Variants in MEGF11 observed in about 807,000 individuals in gnomAD.
MEGF11 encodes multiple EGF like domains 11, also known as multiple epidermal growth factor-like domains protein 11.
MEGF11 carries 126 observed loss-of-function variants against 146.6 expected under a neutral mutation model. The ratio of observed to expected loss-of-function variants is 0.86; its 90% CI spans 0.74 to 1.00. The LOEUF is 1.00. MEGF11 is among the 50% of genes least tolerant of loss of function. The probability of loss-of-function intolerance (pLI) is 0.00; values close to 1 mark genes in which losing one functional copy is unlikely to be tolerated. For missense variants in MEGF11, 1,509 were observed against 1,521.2 expected (o/e 0.99, Z 0.13); for synonymous variants, 532 against 583.4 (o/e 0.91, Z 1.27).
At chr15:66,048,608 T>C (rs1031822074) in intron 5 of MEGF11, among the ~76,000 whole-genome samples, 6 of 152,220 alleles carry the variant, frequency 3.9e-5, no homozygotes, top group Non-Finnish European at 8.8e-5. Flanking sequence ...TCTTGTGGGC[T>C]GGTCTGCAGA....
intron 9 of MEGF11, among the ~76,000 whole-genome samples, chr15:65,964,140 G>T (rs181767375): frequency 1.5e-3 from 223 of 152,306 alleles, no homozygotes; most frequent in Middle Eastern, 3.4e-3. Context: ...TGTTACCTGG[G>T]GCAGTGCCAG....
intron 10 of MEGF11, among the ~76,000 whole-genome samples, chr15:65,956,097 C>T (rs183170651): frequency 6.6e-6 from 1 of 152,234 alleles, no homozygotes; most frequent in Non-Finnish European, 1.5e-5. Flanking sequence ...ACACTGGCCT[C>T]AGCCAGACCA....
chr15:66,184,885 C>A (rs1363292063), intron 1 of MEGF11, among the ~76,000 whole-genome samples: 2 of 152,100 alleles, frequency 1.3e-5, no homozygotes, highest in African/African-American at 4.8e-5. Flanking sequence ...TCCCAGTTCA[C>A]CCAAACCAAG....
At chr15:65,967,350 G>A (rs531712414) in intron 8 of MEGF11, among the ~76,000 whole-genome samples, 21 of 152,140 alleles carry the variant, frequency 1.4e-4, no homozygotes, top group South Asian at 4.1e-4. Context: ...ATAGTAGAGT[G>A]GATTTAAGGA....
At chr15:65,999,994 A>G (rs1012880781) in intron 5 of MEGF11, among the ~76,000 whole-genome samples, 5 of 152,166 alleles carry the variant, frequency 3.3e-5, no homozygotes, top group Non-Finnish European at 7.3e-5. Context: ...GGGAAGGGAG[A>G]TGAAGTACAA....
chr15:66,020,788 C>T (rs2083084443), intron 5 of MEGF11, among the ~76,000 whole-genome samples: 1 of 151,948 alleles, frequency 6.6e-6, no homozygotes, highest in Admixed American at 6.6e-5. Flanking sequence ...GTCAGGAGAG[C>T]GAGACCATCT....
intron 13 of MEGF11, among the ~76,000 whole-genome samples, chr15:65,925,487 T>C (rs928263490): frequency 1.3e-5 from 2 of 152,182 alleles, no homozygotes; most frequent in African/African-American, 4.8e-5. Flanking sequence ...GATTTCCCCA[T>C]ATGGAGTGCC....
At chr15:66,199,745 C>T (rs1400245421) in intron 1 of MEGF11, among the ~76,000 whole-genome samples, 1 of 152,094 alleles carries the variant, frequency 6.6e-6, no homozygotes, top group African/African-American at 2.4e-5. Context: ...GCCATGATTG[C>T]ACCACTGCAC....
intron 10 of MEGF11, among the ~76,000 whole-genome samples, chr15:65,936,417 A>G (rs2079790687): frequency 6.6e-6 from 1 of 152,202 alleles, no homozygotes; most frequent in African/African-American, 2.4e-5. Flanking sequence ...TTTAATTGAA[A>G]TGAGATGTTT....
chr15:65,947,278 G>T (rs2080229101), intron 10 of MEGF11, among the ~76,000 whole-genome samples: 1 of 152,148 alleles, frequency 6.6e-6, no homozygotes, highest in African/African-American at 2.4e-5. Flanking sequence ...TGGGCTAGGG[G>T]GCTGGGGAGC....
chr15:66,200,281 T>C (rs8027991), intron 1 of MEGF11, among the ~76,000 whole-genome samples: 67,134 of 152,118 alleles, frequency 0.44, 15,166 homozygotes, highest in East Asian at 0.59. Context: ...TTGTAGTTTT[T>C]TGTAAAGAAC....
chr15:66,155,354 G>A (rs1345361301), intron 1 of MEGF11, among the ~76,000 whole-genome samples: 2 of 152,196 alleles, frequency 1.3e-5, no homozygotes, highest in Non-Finnish European at 2.9e-5. Context: ...GGAGAGTGGG[G>A]CAGGAAAGAG....
At chr15:66,206,429 A>G (rs1335498230) in intron 1 of MEGF11, among the ~76,000 whole-genome samples, 2 of 152,242 alleles carry the variant, frequency 1.3e-5, no homozygotes, top group Admixed American at 6.5e-5. Flanking sequence ...ACTCACCTAC[A>G]GATTCAGAAG....
rs79277941 is a variant in MEGF11 at position 65,899,595 on chromosome 15, T to G, written c.3056-661A>C. Among the ~76,000 whole-genome samples, 1,425 of 152,332 alleles carry G rather than the reference T, an allele frequency of 9.4e-3. 21 individuals are homozygous for G. Among genetic ancestry groups the G allele is most frequent in the South Asian group, 0.057 (275 of 4,828 alleles). On this transcript the variant is annotated intron_variant, in intron 24 of 25. Transcript: ENST00000395614. ...CAGATGTCAGCAATTTGACAGCCTA[T>G]AAGTGGCAGACTCTTAGCAGTATCC...
At chr15:66,020,088 G>A (rs555831210) in intron 5 of MEGF11, among the ~76,000 whole-genome samples, 1 of 152,308 alleles carries the variant, frequency 6.6e-6, no homozygotes, top group South Asian at 2.1e-4. Flanking sequence ...GGTCCTGTAG[G>A]TGGTCCTGTA....
chr15:66,209,783 T>C (rs764801953), intron 1 of MEGF11, among the ~76,000 whole-genome samples: 1 of 151,312 alleles, frequency 6.6e-6, no homozygotes, highest in Non-Finnish European at 1.5e-5. Context: ...GGGAAGTGAG[T>C]GAAGCTATAA....
At chr15:66,239,522 C>T (rs980625176) in intron 1 of MEGF11, among the ~76,000 whole-genome samples, 1 of 152,154 alleles carries the variant, frequency 6.6e-6, no homozygotes, top group African/African-American at 2.4e-5. Flanking sequence ...ATGCGCTTTC[C>T]CAGATTTGCT....
intron 1 of MEGF11, among the ~76,000 whole-genome samples, chr15:66,198,874 A>C (rs1405400623): frequency 6.6e-6 from 1 of 152,060 alleles, no homozygotes; most frequent in Non-Finnish European, 1.5e-5. Flanking sequence ...ATGGCCTTCC[A>C]AAGTGCTGGG....
intron 11 of MEGF11, among the ~76,000 whole-genome samples, chr15:65,930,346 C>T (rs1391875949): frequency 6.6e-6 from 1 of 152,202 alleles, no homozygotes; most frequent in African/African-American, 2.4e-5. Flanking sequence ...GGCTCCCAGC[C>T]AGGCTGCCTG....
Sources: allele counts gnomAD v4.1 joint callset (sites outside exome capture counted in the v4.1 genomes callset), GRCh38; gene constraint gnomAD v4.1.1; transcripts MANE v1.5; gene names NCBI Gene and HGNC (gene_info 2026-07-23, HGNC 2026-07-21).